The following TMPRSS15 variants were observed in gnomAD, a reference collection of about 807,000 sequenced individuals.
The protein encoded by TMPRSS15 is transmembrane serine protease 15.
Under a neutral mutation model 125.3 loss-of-function variants are expected in TMPRSS15, and 128 were observed. The observed-to-expected ratio is 1.02, with a 90% CI of 0.89 to 1.18. TMPRSS15 has a LOEUF of 1.18. TMPRSS15 is among the 50% of genes most tolerant of loss of function. The pLI, the probability that TMPRSS15 is intolerant of heterozygous loss-of-function variation, is 0.00. For missense variants in TMPRSS15, 1,283 were observed against 1,212.7 expected, an observed-to-expected ratio of 1.06 and a Z score of -0.86; for synonymous variants, 446 against 423.2, an observed-to-expected ratio of 1.05 and a Z score of -0.66.
chr21:18,309,582 G>GA (rs927735953), intron 18 of TMPRSS15, among the ~76,000 whole-genome samples: 8 of 151,862 alleles, frequency 5.3e-5, no homozygotes, highest in South Asian at 4.2e-4. Flanking sequence ...AAATTTACAA[G>GA]AAAAAAACAA....
At chr21:18,288,937 T>C (rs922123758) in intron 21 of TMPRSS15, among the ~76,000 whole-genome samples, 9 of 152,158 alleles carry the variant, frequency 5.9e-5, no homozygotes, top group Admixed American at 2.0e-4. Flanking sequence ...CCTAACTCCC[T>C]AGAACAATAA....
At chr21:18,412,379 T>A (rs1030289473) in intron 1 of TMPRSS15, among the ~76,000 whole-genome samples, 1 of 152,150 alleles carries the variant, frequency 6.6e-6, no homozygotes. Context: ...TTAACACAAT[T>A]CCAGGAAGCT....
chr21:18,378,799 T>G (rs2075866259), intron 5 of TMPRSS15, among the ~76,000 whole-genome samples: 2 of 152,202 alleles, frequency 1.3e-5, no homozygotes, highest in South Asian at 4.1e-4. Context: ...AGATACATAC[T>G]GAGAGTTGGC....
intron 1 of TMPRSS15, among the ~76,000 whole-genome samples, chr21:18,418,596 T>C (rs888488078): frequency 6.6e-5 from 10 of 152,332 alleles, no homozygotes; most frequent in Admixed American, 5.2e-4. Context: ...TTTTACCCTG[T>C]AGCCCTGCCC....
At chr21:18,435,068 T>TA (rs1349698319) in intron 1 of TMPRSS15, among the ~76,000 whole-genome samples, 1 of 151,698 alleles carries the variant, frequency 6.6e-6, no homozygotes, top group Non-Finnish European at 1.5e-5. Flanking sequence ...GATAAAAATA[T>TA]AAAAAACACC....
chr21:18,326,079 T>C (rs2075286551), intron 16 of TMPRSS15, among the ~76,000 whole-genome samples: 1 of 152,128 alleles, frequency 6.6e-6, no homozygotes, highest in South Asian at 2.1e-4. Flanking sequence ...TTCTTTGCTC[T>C]CTGAAAATGT....
intron 8 of TMPRSS15, among the ~76,000 whole-genome samples, chr21:18,358,094 T>C (rs1240177049): frequency 6.6e-6 from 1 of 151,802 alleles, no homozygotes; most frequent in Non-Finnish European, 1.5e-5. Context: ...AATTGCATAT[T>C]AGTCACATCT....
chr21:18,326,553 G>A lies in TMPRSS15; in HGVS notation c.1800C>T (p.Gly600=), dbSNP rs1236898103. Residue 600 remains glycine, a synonymous_variant, in exon 16 of 25, where the codon GGC becomes GGT. Transcript: ENST00000284885. The part of the protein sequence containing the change: ...SLLLAVYTGP[G]PVKDVFSTTN... ...TGGTAGAGAACACATCCTTTACTGG[G>A]CCAGGCCCTGTGTACACAGCTGTTC... 4.3e-6 allele frequency: 7 copies of A among 1,614,042 alleles called. No individual in the cohort carries two copies. The South Asian group carries it at 6.6e-5, about 15-fold the overall frequency.
At chr21:18,369,145 C>A (rs1023266210) in intron 6 of TMPRSS15, among the ~76,000 whole-genome samples, 1 of 152,052 alleles carries the variant, frequency 6.6e-6, no homozygotes, top group East Asian at 1.9e-4. Context: ...AGCAGCCATT[C>A]GATTGCACTA....
intron 18 of TMPRSS15, among the ~76,000 whole-genome samples, chr21:18,303,811 G>C (rs1228747334): frequency 6.6e-6 from 1 of 152,090 alleles, no homozygotes; most frequent in Non-Finnish European, 1.5e-5. Context: ...GTAATTTCCT[G>C]ACAACAAAGA....
At chr21:18,334,970 G>A (rs375883937) in intron 13 of TMPRSS15, among the ~76,000 whole-genome samples, 188 of 152,258 alleles carry the variant, frequency 1.2e-3, no homozygotes, top group African/African-American at 4.4e-3. Context: ...ATGGGGTGCC[G>A]AGGAAGGCAT....
intron 1 of TMPRSS15, among the ~76,000 whole-genome samples, chr21:18,447,261 T>G (rs571081204): frequency 2.0e-5 from 3 of 151,784 alleles, no homozygotes; most frequent in East Asian, 3.9e-4. Context: ...CTGGCCAATA[T>G]GGTGAAACCC....
chr21:18,394,201 C>T (rs2076013660), intron 3 of TMPRSS15, among the ~76,000 whole-genome samples: 1 of 152,062 alleles, frequency 6.6e-6, no homozygotes, highest in East Asian at 1.9e-4. Flanking sequence ...TATCTTTATT[C>T]TACTATAGGG....
chr21:18,311,053 C>T (rs1423071181), intron 18 of TMPRSS15, among the ~76,000 whole-genome samples: 3 of 151,478 alleles, frequency 2.0e-5, no homozygotes, highest in Non-Finnish European at 2.9e-5. Context: ...GAAACTAGAC[C>T]CTTATCTCTC....
chr21:18,471,982 G>C (rs1351357775), intron 1 of TMPRSS15, among the ~76,000 whole-genome samples: 1 of 152,080 alleles, frequency 6.6e-6, no homozygotes, highest in Non-Finnish European at 1.5e-5. Flanking sequence ...GTTGGCTGAA[G>C]CAAACTGATT....
chr21:18,301,377 T>A (rs1295643571), intron 18 of TMPRSS15, among the ~76,000 whole-genome samples: 1 of 152,144 alleles, frequency 6.6e-6, no homozygotes, highest in Non-Finnish European at 1.5e-5. Flanking sequence ...TTTTAAGAAA[T>A]CACGAGGCAA....
chr21:18,403,436 T>G, intron 1 of TMPRSS15, 42 bp downstream of exon 1: 7 of 1,613,804 alleles, frequency 4.3e-6, no homozygotes, highest in Non-Finnish European at 5.9e-6. Context: ...GTGTGTACAT[T>G]CAGCTGAGAG....
At chr21:18,307,663 T>C (rs2075051989) in intron 18 of TMPRSS15, among the ~76,000 whole-genome samples, 1 of 152,116 alleles carries the variant, frequency 6.6e-6, no homozygotes, top group African/African-American at 2.4e-5. Flanking sequence ...CCAGGAATAA[T>C]AATAATATAT....
chr21:18,398,534 C>T (rs573370995), intron 1 of TMPRSS15, among the ~76,000 whole-genome samples: 1 of 152,182 alleles, frequency 6.6e-6, no homozygotes, highest in South Asian at 2.1e-4. Context: ...GGAAACTAAA[C>T]CTTTTCTCCA....
Sources: gnomAD v4.1 joint callset for allele counts (sites outside exome capture counted in the v4.1 genomes callset) on GRCh38, gnomAD v4.1.1 for gene constraint, MANE v1.5 for transcripts, NCBI Gene and HGNC (gene_info 2026-07-23, HGNC 2026-07-21) for gene names.